Variants in SH3RF2 observed in about 807,000 individuals in gnomAD.
SH3RF2 encodes the protein E3 ubiquitin-protein ligase SH3RF2.
A neutral mutation model predicts 59.0 loss-of-function variants in SH3RF2; 43 were observed. The observed-to-expected ratio is 0.73, with a 90% CI of 0.57 to 0.94. The LOEUF is 0.94. Among genes scored for constraint, SH3RF2 ranks in the 40% least tolerant of loss-of-function variants. The pLI is 0.00. For synonymous variants in SH3RF2, 391 were observed against 391.5 expected, an observed-to-expected ratio of 1.00 and a Z score of 0.01; for missense variants, 930 against 940.1, an observed-to-expected ratio of 0.99 and a Z score of 0.14.
Position 146,008,562 on chromosome 5 carries a change from A to G in SH3RF2, c.744+4409A>G, listed in dbSNP as rs984932195. Among the ~76,000 whole-genome samples, 4 of 152,248 alleles carry G rather than the reference A, an allele frequency of 2.6e-5. No homozygotes were observed. In the South Asian group the frequency reaches 8.3e-4, roughly 32 times the overall value. On this transcript the variant is annotated intron_variant, in intron 4 of 9. Transcript: ENST00000359120. ...AGAGCTTGCCTAAACAATTTCAATA[A>G]CTTCCTAATTGGTCCCCCTATTTCT...
intron 2 of SH3RF2, among the ~76,000 whole-genome samples, chr5:145,990,944 A>G (rs546035799): frequency 6.6e-6 from 1 of 152,328 alleles, no homozygotes; most frequent in African/African-American, 2.4e-5. Context: ...TTGAGAGAGC[A>G]GTGGGAGACT....
chr5:145,964,272 TTTCC>T (rs35100856), intron 2 of SH3RF2, among the ~76,000 whole-genome samples: 1,676 of 122,960 alleles, frequency 0.014, 22 homozygotes, highest in East Asian at 0.028. Context: ...TTTCCCTTCT[TTTCC>T]TTCCTTCCTT....
At chr5:145,973,622 A>T (rs759181469) in intron 2 of SH3RF2, among the ~76,000 whole-genome samples, 29 of 152,198 alleles carry the variant, frequency 1.9e-4, no homozygotes, top group Non-Finnish European at 3.2e-4. Context: ...CAGCTTCCCT[A>T]TGTCTTTCTC....
rs1757667681 is a variant in SH3RF2 at position 145,938,112 on chromosome 5, G to A, written c.184G>A (p.Ala62Thr). ...GACGCCTGTGTTTTCCAACATTGAG[G>A]CGCTGCCGGCCAACCTGCTGCTCGT... Reference protein sequence around the residue: ...CRTPVFSNIEALPANLLLVRL... With the variant: ...CRTPVFSNIETLPANLLLVRL... Residue 62 changes from alanine (A) to threonine (T), a missense_variant, in exon 2 of 10, where the codon GCG becomes ACG. By Grantham distance (58) the Ala-to-Thr change is moderately conservative. Transcript: ENST00000359120. 1 of 1,614,092 alleles carries A rather than the reference G, an allele frequency of 6.2e-7. No homozygotes were observed. The highest frequency in any genetic ancestry group is 8.5e-7 in the Non-Finnish European group (1 of 1,180,038).
chr5:146,000,707 C>T (rs9325000), intron 3 of SH3RF2, among the ~76,000 whole-genome samples: 94,554 of 152,010 alleles, frequency 0.62, 29,740 homozygotes, highest in Middle Eastern at 0.8. Context: ...GAAAATATTA[C>T]ACCACAATAT....
rs968839183 is a variant in SH3RF2 at position 145,937,892 on chromosome 5, C to T, written c.-37C>T. ...CTCAACTGACCCTACCATGTGGACG[C>T]TGCTCCTCCAGGTGGGAACTGGAGT... On this transcript the variant is annotated 5_prime_UTR_variant, in exon 2 of 10. Coordinates refer to ENST00000359120, the MANE Select transcript of SH3RF2 (RefSeq NM_152550.4). 3.2e-6 allele frequency: 5 copies of T among 1,582,842 alleles called. No individual in the cohort carries two copies. Among genetic ancestry groups the T allele is most frequent in the Non-Finnish European group, 3.4e-6 (4 of 1,164,586 alleles).
intron 4 of SH3RF2, among the ~76,000 whole-genome samples, chr5:146,012,461 T>A (rs1409001211): frequency 6.6e-6 from 1 of 152,216 alleles, no homozygotes; most frequent in Non-Finnish European, 1.5e-5. Context: ...CTTGTACCTC[T>A]GGTAGAATTC....
At chr5:146,071,448 T>C (rs1284603107) in intron 9 of SH3RF2, among the ~76,000 whole-genome samples, 2 of 152,250 alleles carry the variant, frequency 1.3e-5, no homozygotes, top group Non-Finnish European at 2.9e-5. Context: ...ATTTTAGATA[T>C]CAGAACTACA....
chr5:145,996,467 C>T (rs1388259803), intron 2 of SH3RF2, among the ~76,000 whole-genome samples: 1 of 152,166 alleles, frequency 6.6e-6, no homozygotes, highest in Non-Finnish European at 1.5e-5. Context: ...ATGCATTTGA[C>T]TGAAATAATT....
At chr5:145,978,264 A>T (rs1759372241) in intron 2 of SH3RF2, among the ~76,000 whole-genome samples, 1 of 152,172 alleles carries the variant, frequency 6.6e-6, no homozygotes, top group Non-Finnish European at 1.5e-5. Flanking sequence ...CAAACCTAAG[A>T]TTATAAGAGT....
intron 5 of SH3RF2, among the ~76,000 whole-genome samples, chr5:146,039,591 C>T (rs1762056676): frequency 6.6e-6 from 1 of 152,126 alleles, no homozygotes; most frequent in Non-Finnish European, 1.5e-5. Context: ...ATTAAAAAGC[C>T]AGGCCTTACC....
chr5:145,948,198 T>C (rs1434430278), intron 2 of SH3RF2, among the ~76,000 whole-genome samples: 2 of 152,202 alleles, frequency 1.3e-5, no homozygotes, highest in Non-Finnish European at 2.9e-5. Context: ...AGGTTTGTGT[T>C]CTGTAAGTGT....
chr5:145,940,389 G>A lies in SH3RF2; in HGVS notation c.378+2083G>A, dbSNP rs182718752. Reference sequence around the variant, plus strand: ...ATTTCTGGATGTCAATATGGCTGCTGTTCTGCAACGTGCCTCTGCTCCCAA... The same window carrying A: ...ATTTCTGGATGTCAATATGGCTGCTATTCTGCAACGTGCCTCTGCTCCCAA... On this transcript the variant is annotated intron_variant, in intron 2 of 9. Coordinates refer to ENST00000359120, the MANE Select transcript of SH3RF2 (RefSeq NM_152550.4). Among the ~76,000 whole-genome samples the A allele has an allele frequency of 2.7e-4, 41 of 152,316 alleles. 1 individual carries two copies. The highest frequency in any genetic ancestry group is 1.1e-3 in the Admixed American group (17 of 15,310).
intron 4 of SH3RF2, among the ~76,000 whole-genome samples, chr5:146,013,095 A>G (rs533305097): frequency 6.6e-6 from 1 of 152,314 alleles, no homozygotes; most frequent in Non-Finnish European, 1.5e-5. Flanking sequence ...TAGCATAAGG[A>G]TTCAGGGTCC....
At chr5:146,057,364 A>AAC (rs1344470556) in intron 8 of SH3RF2, among the ~76,000 whole-genome samples, 10 of 151,832 alleles carry the variant, frequency 6.6e-5, no homozygotes, top group East Asian at 5.8e-4. Context: ...CTCTCCCCAC[A>AAC]ACACACACAC....
At chr5:146,008,395 T>C (rs532015642) in intron 4 of SH3RF2, among the ~76,000 whole-genome samples, 1 of 152,296 alleles carries the variant, frequency 6.6e-6, no homozygotes, top group Non-Finnish European at 1.5e-5. Flanking sequence ...AAAATTAACT[T>C]ATTTCATTAT....
intron 2 of SH3RF2, among the ~76,000 whole-genome samples, chr5:145,968,135 A>G (rs987938274): frequency 6.6e-6 from 1 of 152,240 alleles, no homozygotes; most frequent in Non-Finnish European, 1.5e-5. Context: ...ATGATACCCA[A>G]ATGTTAAAAA....
intron 5 of SH3RF2, among the ~76,000 whole-genome samples, chr5:146,026,510 C>G (rs923264294): frequency 3.9e-5 from 6 of 152,184 alleles, no homozygotes; most frequent in Admixed American, 2.6e-4. Context: ...AGATAGGTAA[C>G]ACAGGGAAAG....
intron 2 of SH3RF2, among the ~76,000 whole-genome samples, chr5:145,971,698 G>A (rs888506426): frequency 6.6e-6 from 1 of 152,230 alleles, no homozygotes; most frequent in Non-Finnish European, 1.5e-5. Context: ...GCTGTGGCCT[G>A]CATGTGCTAA....
Sources: allele counts gnomAD v4.1 joint callset (sites outside exome capture counted in the v4.1 genomes callset), GRCh38; gene constraint gnomAD v4.1.1; transcripts MANE v1.5; gene names NCBI Gene and HGNC (gene_info 2026-07-23, HGNC 2026-07-21).